The following NALF1 variants were observed in gnomAD, a reference collection of about 807,000 sequenced individuals.
NALF1 encodes the protein family with sequence similarity 155 member A.
NALF1 carries 3 observed loss-of-function variants against 48.4 expected under a neutral mutation model. The ratio of observed to expected loss-of-function variants is 0.06; its 90% CI spans 0.03 to 0.16. The LOEUF is 0.16. Ranked by LOEUF, NALF1 falls within the 10% of genes least tolerant of loss-of-function variation. The probability of loss-of-function intolerance (pLI) is 1.00; values close to 1 mark genes in which losing one functional copy is unlikely to be tolerated. For missense variants in NALF1, 526 were observed against 571.5 expected, an observed-to-expected ratio of 0.92 and a Z score of 0.81; for synonymous variants, 262 against 245.7, an observed-to-expected ratio of 1.07 and a Z score of -0.62.
chr13:107,243,578 T>C (rs1481766518), intron 1 of NALF1, among the ~76,000 whole-genome samples: 1 of 152,230 alleles, frequency 6.6e-6, no homozygotes, highest in African/African-American at 2.4e-5. Flanking sequence ...TGGAACATGG[T>C]AGGAACTCAG....
At chr13:107,472,672 T>G (rs544679373) in intron 1 of NALF1, among the ~76,000 whole-genome samples, 1 of 152,252 alleles carries the variant, frequency 6.6e-6, no homozygotes, top group African/African-American at 2.4e-5. Flanking sequence ...GTTATTCAGC[T>G]ATTGGACTCT....
At chr13:107,376,007 G>T (rs1883329514) in intron 1 of NALF1, among the ~76,000 whole-genome samples, 1 of 152,042 alleles carries the variant, frequency 6.6e-6, no homozygotes, top group Admixed American at 6.6e-5. Flanking sequence ...GGTGTTTTGA[G>T]ACTCTGAGGC....
At chr13:107,554,866 C>T (rs868127055) in intron 1 of NALF1, among the ~76,000 whole-genome samples, 2 of 152,096 alleles carry the variant, frequency 1.3e-5, no homozygotes, top group Non-Finnish European at 1.5e-5. Flanking sequence ...AGCAGGCTGG[C>T]TTGCAGGGTA....
chr13:107,567,205 G>A (rs1040611686), intron 1 of NALF1, among the ~76,000 whole-genome samples: 18 of 152,108 alleles, frequency 1.2e-4, no homozygotes, highest in Admixed American at 1.3e-4. Flanking sequence ...AAATTAAAAT[G>A]AGCTATATGT....
intron 1 of NALF1, among the ~76,000 whole-genome samples, chr13:107,306,103 A>G (rs1175895004): frequency 3.9e-5 from 6 of 152,166 alleles, no homozygotes; most frequent in African/African-American, 1.4e-4. Context: ...TTACTTCTTT[A>G]TATATGTTTG....
intron 1 of NALF1, among the ~76,000 whole-genome samples, chr13:107,482,618 A>G (rs1431401504): frequency 6.6e-6 from 1 of 152,190 alleles, no homozygotes; most frequent in African/African-American, 2.4e-5. Flanking sequence ...TTTCAGCAAT[A>G]TAATAAAAAT....
intron 1 of NALF1, among the ~76,000 whole-genome samples, chr13:107,500,268 A>C (rs867774533): frequency 6.6e-6 from 1 of 152,280 alleles, no homozygotes; most frequent in Middle Eastern, 3.4e-3. Context: ...GGTAACAAAT[A>C]AAGAATAGAA....
intron 1 of NALF1, among the ~76,000 whole-genome samples, chr13:107,644,422 A>T (rs1045124484): frequency 3.0e-5 from 4 of 135,014 alleles, no homozygotes; most frequent in Admixed American, 2.2e-4. Flanking sequence ...AACTCAGGTT[A>T]AAAAAAAAAA....
intron 1 of NALF1, among the ~76,000 whole-genome samples, chr13:107,624,217 C>A (rs1043723162): frequency 6.6e-6 from 1 of 152,072 alleles, no homozygotes; most frequent in African/African-American, 2.4e-5. Context: ...AGGGAGTATT[C>A]GCCGTTCTTC....
intron 1 of NALF1, among the ~76,000 whole-genome samples, chr13:107,682,791 A>G (rs1231192045): frequency 6.6e-6 from 1 of 152,156 alleles, no homozygotes; most frequent in Non-Finnish European, 1.5e-5. Context: ...GGCATGAATC[A>G]GGATGTCTGA....
chr13:107,351,298 G>A lies in NALF1; in HGVS notation c.916-140543C>T, dbSNP rs559730243. Among the ~76,000 whole-genome samples, 15 of 152,242 alleles carry A rather than the reference G, an allele frequency of 9.9e-5. No individual in the cohort carries two copies. The South Asian group carries it at 1.9e-3, about 19-fold the overall frequency. ...GAAGGAGATTGTAGTGATGGTGTGAGAGTTGCAGATACCAAGATGAAATCA... is the reference window on the plus strand; with the variant it reads ...GAAGGAGATTGTAGTGATGGTGTGAAAGTTGCAGATACCAAGATGAAATCA... On this transcript the variant is annotated intron_variant, in intron 1 of 2. Transcript: ENST00000375915.
chr13:107,216,101 T>C (rs1879867824), intron 1 of NALF1, among the ~76,000 whole-genome samples: 1 of 152,240 alleles, frequency 6.6e-6, no homozygotes, highest in African/African-American at 2.4e-5. Flanking sequence ...CTAACTTTCC[T>C]TTCACATTTG....
chr13:107,809,726 C>A (rs1474271735), intron 1 of NALF1, among the ~76,000 whole-genome samples: 1 of 152,020 alleles, frequency 6.6e-6, no homozygotes, highest in Admixed American at 6.6e-5. Flanking sequence ...CACTTTATAT[C>A]CTCATCATGT....
At chr13:107,606,086 A>G (rs1484011276) in intron 1 of NALF1, among the ~76,000 whole-genome samples, 1 of 152,180 alleles carries the variant, frequency 6.6e-6, no homozygotes, top group Non-Finnish European at 1.5e-5. Flanking sequence ...TGTGTTTTCC[A>G]TTGCCTAAAT....
At chr13:107,823,188 C>T (rs2138619172) in intron 1 of NALF1, among the ~76,000 whole-genome samples, 1 of 152,342 alleles carries the variant, frequency 6.6e-6, no homozygotes, top group East Asian at 1.9e-4. Context: ...TGGCAAACCC[C>T]TGCCTTTCAG....
At chr13:107,743,565 T>C (rs1457891076) in intron 1 of NALF1, among the ~76,000 whole-genome samples, 1 of 152,176 alleles carries the variant, frequency 6.6e-6, no homozygotes, top group Non-Finnish European at 1.5e-5. Context: ...AACAGAAACA[T>C]GCATTATATA....
intron 1 of NALF1, among the ~76,000 whole-genome samples, chr13:107,676,744 A>T (rs964171327): frequency 6.6e-6 from 1 of 152,176 alleles, no homozygotes; most frequent in African/African-American, 2.4e-5. Context: ...CCCACATTTG[A>T]CATTTGAATG....
intron 1 of NALF1, among the ~76,000 whole-genome samples, chr13:107,773,993 A>ATCAACT (rs112036822): frequency 0.081 from 12,310 of 152,184 alleles, 614 homozygotes; most frequent in East Asian, 0.17. Context: ...CCCTTAAATG[A>ATCAACT]TCAAGTATTT....
intron 1 of NALF1, among the ~76,000 whole-genome samples, chr13:107,718,327 G>A (rs1446597374): frequency 1.3e-5 from 2 of 152,062 alleles, no homozygotes; most frequent in African/African-American, 2.4e-5. Flanking sequence ...CAGAATCCTC[G>A]TCATACCATC....
Sources: allele counts gnomAD v4.1 joint callset (sites outside exome capture counted in the v4.1 genomes callset), GRCh38; gene constraint gnomAD v4.1.1; transcripts MANE v1.5; gene names NCBI Gene and HGNC (gene_info 2026-07-23, HGNC 2026-07-21).